Variants in ATF6 observed in about 807,000 individuals in gnomAD.
The protein encoded by ATF6 is activating transcription factor 6.
In ATF6, 53 loss-of-function variants were observed where a neutral mutation model predicts 83.6. The observed-to-expected ratio is 0.63, with a 90% confidence interval of 0.51 to 0.80. The LOEUF is 0.80. Among genes scored for constraint, ATF6 ranks in the 30% least tolerant of loss-of-function variants. The probability of loss-of-function intolerance (pLI) is 0.00; values close to 1 mark genes in which losing one functional copy is unlikely to be tolerated. For synonymous variants in ATF6, 288 were observed against 285.8 expected, an observed-to-expected ratio of 1.01 and a Z score of -0.08; for missense variants, 744 against 797.9, an observed-to-expected ratio of 0.93 and a Z score of 0.81.
chr1:161,873,845 G>A (rs1167775287), intron 14 of ATF6, among the ~76,000 whole-genome samples: 2 of 151,480 alleles, frequency 1.3e-5, no homozygotes, highest in African/African-American at 4.8e-5. Context: ...CCAATACATG[G>A]TATATCAGGC....
chr1:161,936,248 T>A (rs760165951), intron 15 of ATF6, among the ~76,000 whole-genome samples: 2 of 152,240 alleles, frequency 1.3e-5, no homozygotes, highest in Non-Finnish European at 2.9e-5. Flanking sequence ...TATTTCACCT[T>A]TGACTTGTCA....
At chr1:161,799,658 G>A (rs764790456) in intron 6 of ATF6, among the ~76,000 whole-genome samples, 2 of 152,140 alleles carry the variant, frequency 1.3e-5, no homozygotes, top group East Asian at 1.9e-4. Context: ...CATTTATGCC[G>A]AAGTATTAAT....
At chr1:161,826,156 A>G (rs1038982930) in intron 9 of ATF6, among the ~76,000 whole-genome samples, 1 of 152,214 alleles carries the variant, frequency 6.6e-6, no homozygotes, top group Non-Finnish European at 1.5e-5. Flanking sequence ...TTTATGCAGT[A>G]GTACTCGATG....
intron 7 of ATF6, among the ~76,000 whole-genome samples, chr1:161,818,092 C>G (rs961491947): frequency 7.1e-6 from 1 of 141,314 alleles, no homozygotes; most frequent in East Asian, 2.0e-4. Context: ...CAGAGCAAGA[C>G]TCCATCTCAA....
Position 161,963,004 on chromosome 1 carries a change from TC to T in ATF6, c.*4353del, listed in dbSNP as rs1294072994. ...AGAATGAAATATAAGAAATGTTCGTTCCCACCCCTAATAACATTTGGAAGTG... is the reference window on the plus strand; with the variant it reads ...AGAATGAAATATAAGAAATGTTCGTTCCACCCCTAATAACATTTGGAAGTG... On this transcript the variant is annotated 3_prime_UTR_variant, in exon 16 of 16. Coordinates refer to ENST00000367942, the MANE Select transcript of ATF6 (RefSeq NM_007348.4). 1 of 152,230 alleles carries T rather than the reference TC, an allele frequency of 6.6e-6. No individual in the cohort carries two copies. Among genetic ancestry groups the T allele is most frequent in the Non-Finnish European group, 1.5e-5 (1 of 68,036 alleles). The allele number at this position is 152,230 out of a possible 1,614,324, so 9.4% of individuals were successfully genotyped here.
At chr1:161,907,718 A>G (rs891795330) in intron 14 of ATF6, among the ~76,000 whole-genome samples, 3 of 152,218 alleles carry the variant, frequency 2.0e-5, no homozygotes, top group African/African-American at 7.2e-5. Context: ...ATAATTTTTT[A>G]AAAAGATATG....
In ATF6 at chr1:161,860,332, G is replaced by A. The variant is rs981018723; in HGVS notation, c.1604+55G>A. 3.0e-6 allele frequency: 4 copies of A among 1,345,698 alleles called. No homozygotes were observed. In the Admixed American group the frequency reaches 7.1e-5, roughly 24 times the overall value. 83.4% of individuals were successfully genotyped at this position (1,345,698 alleles called of 1,614,324 possible). A position where few individuals can be genotyped will look rare whatever the true frequency, so the allele number is the denominator to read the frequency against. On this transcript the variant is annotated intron_variant, in intron 13 of 15. Transcript: ENST00000367942. ...GAATTTAAAATAGCTGGTATTTTAA[G>A]AAAGTTGAAATTCACACTTCCCTTT...
chr1:161,862,005 A>G (rs998613216), intron 13 of ATF6, among the ~76,000 whole-genome samples: 2 of 152,222 alleles, frequency 1.3e-5, no homozygotes, highest in Non-Finnish European at 2.9e-5. Flanking sequence ...AATGAATAAT[A>G]TATGTTAAAG....
chr1:161,834,482 G>A (rs546296580), intron 9 of ATF6, among the ~76,000 whole-genome samples: 6 of 151,952 alleles, frequency 3.9e-5, no homozygotes, highest in Non-Finnish European at 4.4e-5. Context: ...GTAGGGACAT[G>A]GATGAAACTG....
chr1:161,914,171 G>A (rs775810430), intron 15 of ATF6, among the ~76,000 whole-genome samples: 2 of 152,056 alleles, frequency 1.3e-5, no homozygotes, highest in African/African-American at 2.4e-5. Context: ...AATATATACC[G>A]TGTTTCAAGT....
chr1:161,816,393 T>C (rs1685614007), intron 7 of ATF6, among the ~76,000 whole-genome samples: 1 of 152,224 alleles, frequency 6.6e-6, no homozygotes, highest in Non-Finnish European at 1.5e-5. Context: ...TCCACAAGTC[T>C]CTGTTTTCAG....
At chr1:161,871,842 C>T (rs1687130167) in intron 14 of ATF6, among the ~76,000 whole-genome samples, 1 of 146,668 alleles carries the variant, frequency 6.8e-6, no homozygotes, top group Non-Finnish European at 1.5e-5. Flanking sequence ...TAGTTTTTAT[C>T]TGTGTGTTTG....
rs141601601 is a variant in ATF6 at position 161,882,427 on chromosome 1, C to G, written c.1719+19115C>G. Among the ~76,000 whole-genome samples the G allele has an allele frequency of 2.7e-4, 41 of 152,128 alleles. 1 individual carries two copies. In the East Asian group the frequency reaches 7.7e-3, roughly 29 times the overall value. ...AAGCCTCTTATAAGAAAAGCTGCTACTTCTGGGCTAATCTATTAGTAGTTT... is the reference window on the plus strand; with the variant it reads ...AAGCCTCTTATAAGAAAAGCTGCTAGTTCTGGGCTAATCTATTAGTAGTTT... On this transcript the variant is annotated intron_variant, in intron 14 of 15. Transcript: ENST00000367942.
chr1:161,860,173 C>G (rs1018184007), intron 12 of ATF6, 34 bp from the exon 13 acceptor site: 6 of 1,439,964 alleles, frequency 4.2e-6, no homozygotes, highest in Non-Finnish European at 5.7e-6. Flanking sequence ...TTTTGTGATA[C>G]AGTATTAAAC....
intron 1 of ATF6, among the ~76,000 whole-genome samples, chr1:161,768,554 T>TTTG (rs796902735): frequency 2.6e-5 from 4 of 151,988 alleles, no homozygotes; most frequent in African/African-American, 7.2e-5. Flanking sequence ...TTTACTTGAT[T>TTTG]TTGTTGTTGT....
Position 161,944,587 on chromosome 1 carries a change from A to G in ATF6, c.1805-13859A>G, listed in dbSNP as rs577563791. ...CCGTCTGTTTGATTCTTTCCCCTAC[A>G]TTTGTGCAAAATGTAGGCTTGTCAT... On this transcript the variant is annotated intron_variant, in intron 15 of 15. Coordinates refer to ENST00000367942, the MANE Select transcript of ATF6 (RefSeq NM_007348.4). Among the ~76,000 whole-genome samples the G allele has an allele frequency of 5.9e-5, 9 of 152,196 alleles. No homozygotes were observed. The East Asian group carries it at 1.5e-3, about 26-fold the overall frequency.
Position 161,860,262 on chromosome 1 carries a change from C to T in ATF6, c.1589C>T (p.Thr530Ile), listed in dbSNP as rs752106399. The T allele has an allele frequency of 6.3e-7, 1 of 1,599,384 alleles. No individual in the cohort carries two copies. Among genetic ancestry groups the T allele is most frequent in the Non-Finnish European group, 8.5e-7 (1 of 1,172,162 alleles). ...SQLMAVQYTETTSSISRNSGS... is the reference protein window; with the variant it reads ...SQLMAVQYTEITSSISRNSGS... ...CTGATGGCTGTTCAATACACAGAAA[C>T]CACTAGTAGTATCAGGTAAGACAGT... The change falls in exon 13 of 16, where the codon ACC becomes ATC. Residue 530 changes from threonine to isoleucine, a missense_variant. Coordinates refer to ENST00000367942, the MANE Select transcript of ATF6 (RefSeq NM_007348.4).
At chr1:161,803,447 T>G (rs1245073132) in intron 7 of ATF6, among the ~76,000 whole-genome samples, 1 of 152,200 alleles carries the variant, frequency 6.6e-6, no homozygotes, top group Non-Finnish European at 1.5e-5. Flanking sequence ...AGTACAGGAT[T>G]AGGCTTGACT....
intron 7 of ATF6, among the ~76,000 whole-genome samples, chr1:161,810,009 A>ATG (rs1261257104): frequency 6.6e-6 from 1 of 152,148 alleles, no homozygotes. Flanking sequence ...GCCAGAAGGT[A>ATG]TGTACTTGTT....
Sources: allele counts gnomAD v4.1 joint callset (sites outside exome capture counted in the v4.1 genomes callset), GRCh38; gene constraint gnomAD v4.1.1; transcripts MANE v1.5; gene names NCBI Gene and HGNC (gene_info 2026-07-23, HGNC 2026-07-21).